The following FGGY variants were observed in gnomAD, a reference collection of about 807,000 sequenced individuals.
FGGY encodes FGGY carbohydrate kinase domain-containing protein.
A neutral mutation model predicts 71.3 loss-of-function variants in FGGY; 72 were observed. That is an observed-to-expected ratio of 1.01 (90% confidence interval 0.84 to 1.23). FGGY has a LOEUF of 1.23. FGGY is among the 50% of genes most tolerant of loss of function. FGGY has a pLI of 0.00. For missense variants in FGGY, 668 were observed against 682.3 expected (o/e 0.98, Z 0.23); for synonymous variants, 251 against 250.3 (o/e 1.00, Z -0.02).
At position 59,614,124 on chromosome 1, in the gene FGGY, G is replaced by C. The variant is rs143576093; in HGVS notation, c.1011+6214G>C. Among the ~76,000 whole-genome samples, 1,074 of 152,312 alleles carry C rather than the reference G, an allele frequency of 7.1e-3. 15 individuals are homozygous for C. Among genetic ancestry groups the C allele is most frequent in the African/African-American group, 0.024 (984 of 41,572 alleles). ...AACTATTCCAATCAATAGGAAAAGAGGGAATCCTCCCTAACTCATTTTATG... is the reference window on the plus strand; with the variant it reads ...AACTATTCCAATCAATAGGAAAAGACGGAATCCTCCCTAACTCATTTTATG... On this transcript the variant is annotated intron_variant, in intron 9 of 15. Coordinates refer to ENST00000303721, the MANE Select transcript of FGGY (RefSeq NM_018291.5).
At chr1:59,734,047 G>A (rs531026396) in intron 14 of FGGY, among the ~76,000 whole-genome samples, 68 of 152,290 alleles carry the variant, frequency 4.5e-4, no homozygotes, top group African/African-American at 1.5e-3. Context: ...GCGTGGTATG[G>A]CCCTGCCTGC....
At chr1:59,423,148 T>C (rs898052404) in intron 5 of FGGY, among the ~76,000 whole-genome samples, 1 of 152,208 alleles carries the variant, frequency 6.6e-6, no homozygotes, top group African/African-American at 2.4e-5. Context: ...CAGAGCTTCC[T>C]TTACTGGATT....
intron 11 of FGGY, among the ~76,000 whole-genome samples, chr1:59,638,783 G>C (rs2096988714): frequency 6.6e-6 from 1 of 152,224 alleles, no homozygotes; most frequent in Non-Finnish European, 1.5e-5. Flanking sequence ...TAGGCTCTGA[G>C]TCAGGGCTGT....
intron 5 of FGGY, among the ~76,000 whole-genome samples, chr1:59,381,263 T>A (rs2059399655): frequency 1.3e-5 from 2 of 152,242 alleles, no homozygotes; most frequent in South Asian, 4.1e-4. Context: ...TAGGATTGTC[T>A]TGGCAATGTG....
chr1:59,691,775 G>A (rs1030486868), intron 14 of FGGY, among the ~76,000 whole-genome samples: 2 of 151,670 alleles, frequency 1.3e-5, no homozygotes, highest in Non-Finnish European at 2.9e-5. Flanking sequence ...CGTCCTTTGT[G>A]CTAGAAGATT....
rs142171041 is a variant in FGGY at position 59,604,775 on chromosome 1, G to A, written c.904-3028G>A. ...CCTCTTGGGGACTAATCTGTCAAAT[G>A]GGGCCAAGAGTTCTGGAGGCAAGGG... On this transcript the variant is annotated intron_variant, in intron 8 of 15. Coordinates refer to ENST00000303721, the MANE Select transcript of FGGY (RefSeq NM_018291.5). 6.5e-4 allele frequency among the ~76,000 whole-genome samples: 99 copies of A among 152,304 alleles called. 2 individuals are homozygous for A. Among genetic ancestry groups the A allele is most frequent in the African/African-American group, 2.2e-3 (92 of 41,554 alleles).
intron 5 of FGGY, among the ~76,000 whole-genome samples, chr1:59,394,928 G>A (rs1002780508): frequency 1.3e-5 from 2 of 151,942 alleles, no homozygotes; most frequent in Non-Finnish European, 2.9e-5. Context: ...GCCTTTTCAT[G>A]TCTTCTTGAC....
At chr1:59,346,510 A>G in intron 4 of FGGY, 112 bp downstream of exon 4, 1 of 1,201,446 alleles carries the variant, frequency 8.3e-7, no homozygotes. Context: ...GATTTTTCCC[A>G]GCAACTAGGA....
intron 14 of FGGY, among the ~76,000 whole-genome samples, chr1:59,712,518 C>A (rs1243541626): frequency 6.6e-6 from 1 of 152,210 alleles, no homozygotes; most frequent in African/African-American, 2.4e-5. Context: ...TCCAAGAGGA[C>A]CTCACCCCTA....
At position 59,409,596 on chromosome 1, in the gene FGGY, T is replaced by TATATATATA. The variant is rs1557833921; in HGVS notation, c.554+30759_554+30760insATATATATA. 8.8e-3 allele frequency among the ~76,000 whole-genome samples: 741 copies of TATATATATA among 83,772 alleles called. 10 individuals carry two copies. The highest frequency in any genetic ancestry group is 0.028 in the African/African-American group (694 of 24,796). 55.0% of individuals were successfully genotyped at this position (83,772 alleles called of 152,430 possible). ...ATTGCAAGCCTGTGAAGGAAGAGTTTTTTATATATATATATATATATATAT... is the reference window on the plus strand; with the variant it reads ...ATTGCAAGCCTGTGAAGGAAGAGTTTATATATATATTTATATATATATATATATATATAT... On this transcript the variant is annotated intron_variant, in intron 5 of 15. Coordinates refer to ENST00000303721, the MANE Select transcript of FGGY (RefSeq NM_018291.5).
At chr1:59,483,896 G>A (rs2093580703) in intron 6 of FGGY, among the ~76,000 whole-genome samples, 1 of 151,980 alleles carries the variant, frequency 6.6e-6, no homozygotes, top group Non-Finnish European at 1.5e-5. Context: ...AAAAATAAAA[G>A]ATGAAGGAAG....
At chr1:59,639,147 T>C (rs932491559) in intron 11 of FGGY, among the ~76,000 whole-genome samples, 1 of 152,046 alleles carries the variant, frequency 6.6e-6, no homozygotes, top group Non-Finnish European at 1.5e-5. Context: ...GAGTGTGAGG[T>C]ACATTAAGGC....
At chr1:59,642,140 A>G (rs1572510344) in intron 11 of FGGY, among the ~76,000 whole-genome samples, 2 of 152,254 alleles carry the variant, frequency 1.3e-5, no homozygotes, top group Admixed American at 1.3e-4. Context: ...GATGTAGGAA[A>G]GGCCTTAGTA....
At chr1:59,374,971 C>T (rs1293511503) in intron 4 of FGGY, among the ~76,000 whole-genome samples, 1 of 150,098 alleles carries the variant, frequency 6.7e-6, no homozygotes, top group Admixed American at 6.6e-5. Context: ...TGCTAGATGA[C>T]GAGTTAGTGG....
At chr1:59,469,005 A>G (rs771725591) in intron 6 of FGGY, among the ~76,000 whole-genome samples, 2 of 152,194 alleles carry the variant, frequency 1.3e-5, no homozygotes, top group African/African-American at 4.8e-5. Context: ...ACTGAATCAA[A>G]GTTCAGGGAT....
intron 14 of FGGY, among the ~76,000 whole-genome samples, chr1:59,734,453 C>T (rs1321726214): frequency 1.3e-5 from 2 of 152,226 alleles, no homozygotes; most frequent in Non-Finnish European, 2.9e-5. Context: ...ATCCACCCAC[C>T]TTGGCCTCCC....
intron 14 of FGGY, 144 bp downstream of exon 14, chr1:59,674,277 C>G: frequency 1.8e-6 from 1 of 571,166 alleles, no homozygotes; most frequent in Non-Finnish European, 3.1e-6. Context: ...ACAAACACTT[C>G]TAGCCTCAGA....
chr1:59,518,122 C>T (rs1008613737), intron 7 of FGGY, among the ~76,000 whole-genome samples: 4 of 152,232 alleles, frequency 2.6e-5, no homozygotes, highest in African/African-American at 7.2e-5. Flanking sequence ...TTAAACTGCT[C>T]ATTTCAATTG....
At chr1:59,755,714 T>G (rs968339820) in intron 14 of FGGY, 1 of 152,238 alleles carries the variant, frequency 6.6e-6, no homozygotes, top group Non-Finnish European at 1.5e-5. Flanking sequence ...CTGCCGTTTA[T>G]GTGCACATCT....
Sources: gnomAD v4.1 joint callset for allele counts (sites outside exome capture counted in the v4.1 genomes callset) on GRCh38, gnomAD v4.1.1 for gene constraint, MANE v1.5 for transcripts, NCBI Gene and HGNC (gene_info 2026-07-23, HGNC 2026-07-21) for gene names.